JAK1: variants seen among roughly 807,000 people sequenced by gnomAD.
JAK1 encodes the protein tyrosine-protein kinase JAK1.
JAK1 carries 16 observed loss-of-function variants against 136.6 expected under a neutral mutation model. The observed-to-expected ratio is 0.12, with a 90% confidence interval of 0.08 to 0.18. The LOEUF is 0.18. JAK1 is among the 10% of genes least tolerant of loss of function. JAK1 has a pLI of 1.00. For missense variants in JAK1, 859 were observed against 1,450.1 expected, an observed-to-expected ratio of 0.59 and a Z score of 6.62; for synonymous variants, 492 against 519.5, an observed-to-expected ratio of 0.95 and a Z score of 0.72.
chr1:64,845,766 G>T, intron 14 of JAK1, 126 bp from the exon 15 acceptor site: 1 of 1,129,098 alleles, frequency 8.9e-7, no homozygotes, highest in Non-Finnish European at 1.3e-6. Flanking sequence ...TCCTTGGGGG[G>T]TGCAATGGTG....
intron 1 of JAK1, among the ~76,000 whole-genome samples, chr1:64,916,664 C>G (rs1382806446): frequency 1.3e-5 from 2 of 151,740 alleles, no homozygotes; most frequent in African/African-American, 2.4e-5. Context: ...ATAGTGAAAC[C>G]CTGTCTCTGC....
intron 1 of JAK1, among the ~76,000 whole-genome samples, chr1:64,897,502 A>G (rs1169157505): frequency 0.051 from 6 of 118 alleles, no homozygotes; most frequent in Non-Finnish European, 0.064. Context: ...GGGGAGGAGG[A>G]GGGGGGAGGG....
intron 2 of JAK1, among the ~76,000 whole-genome samples, chr1:64,997,819 G>A (rs1430572743): frequency 6.6e-6 from 1 of 152,178 alleles, no homozygotes; most frequent in Non-Finnish European, 1.5e-5. Context: ...GATAGAGAAG[G>A]AATGTTCTTC....
intron 2 of JAK1, among the ~76,000 whole-genome samples, chr1:64,988,830 A>C (rs976670461): frequency 2.1e-4 from 32 of 152,036 alleles, no homozygotes; most frequent in Admixed American, 1.4e-3. Context: ...TCAAGGCTGC[A>C]GTGAACTATG....
intron 2 of JAK1, among the ~76,000 whole-genome samples, chr1:65,038,969 T>TGTGTTTGTG (rs1647103579): frequency 6.6e-6 from 1 of 152,058 alleles, no homozygotes; most frequent in Non-Finnish European, 1.5e-5. Flanking sequence ...TGTGTTTGTG[T>TGTGTTTGTG]GTGTTTGTGT....
chr1:65,019,903 G>C (rs1396888979), intron 2 of JAK1, among the ~76,000 whole-genome samples: 1 of 143,912 alleles, frequency 6.9e-6, no homozygotes, highest in Non-Finnish European at 1.5e-5. Flanking sequence ...GTGACAGAGC[G>C]AGACTCTGTC....
chr1:65,043,104 T>G (rs897691197), intron 2 of JAK1, among the ~76,000 whole-genome samples: 1 of 152,200 alleles, frequency 6.6e-6, no homozygotes, highest in Non-Finnish European at 1.5e-5. Context: ...TGTTTTTCAC[T>G]CAAAACAGTG....
exon 1 of JAK1, chr1:65,067,625 G>C (rs1450848344): frequency 6.7e-6 from 1 of 148,994 alleles, no homozygotes; most frequent in African/African-American, 2.4e-5. Context: ...GGGGTCCCGG[G>C]CTCCCCTTCC....
rs749262580 is a variant in JAK1, at chr1:64,879,176, A to T, written c.206-28T>A. ...GAGGAAAAGTAAAAAAACACATCAG[A>T]AAATCAAGGCGGATACATTTGGCCA... On this transcript the variant is annotated intron_variant, in intron 3 of 24. Coordinates refer to ENST00000342505, the MANE Select transcript of JAK1 (RefSeq NM_002227.4). The T allele has an allele frequency of 4.3e-6, 7 of 1,612,868 alleles. No homozygotes were observed. The Admixed American group carries it at 1.0e-4, about 23-fold the overall frequency.
chr1:64,884,369 C>T (rs11591096), intron 2 of JAK1, among the ~76,000 whole-genome samples: 7,555 of 152,174 alleles, frequency 0.05, 312 homozygotes, highest in Admixed American at 0.14. Flanking sequence ...ATTCGCTGAC[C>T]CCACACTCCT....
chr1:64,934,139 T>TA (rs67874762), intron 1 of JAK1, among the ~76,000 whole-genome samples: 106,325 of 151,860 alleles, frequency 0.7, 40,544 homozygotes, highest in Middle Eastern at 0.92. Context: ...TGGAGAGATG[T>TA]AAAGGACCAA....
intron 1 of JAK1, among the ~76,000 whole-genome samples, chr1:64,941,164 T>C (rs1301986355): frequency 6.6e-6 from 1 of 152,064 alleles, no homozygotes; most frequent in Admixed American, 6.6e-5. Context: ...AACTCAAAAA[T>C]AATAATAATA....
chr1:64,902,857 T>C (rs907967180), intron 1 of JAK1, among the ~76,000 whole-genome samples: 5 of 152,238 alleles, frequency 3.3e-5, no homozygotes, highest in African/African-American at 9.6e-5. Context: ...GTGACTACAA[T>C]TGCCAGCTTC....
intron 12 of JAK1, among the ~76,000 whole-genome samples, chr1:64,849,029 T>A (rs1161262750): frequency 6.6e-6 from 1 of 152,174 alleles, no homozygotes; most frequent in African/African-American, 2.4e-5. Context: ...GTAAAAGCCA[T>A]ATGCTTTCAG....
intron 11 of JAK1, among the ~76,000 whole-genome samples, chr1:64,854,247 G>A (rs1328039888): frequency 6.6e-6 from 1 of 152,184 alleles, no homozygotes; most frequent in Non-Finnish European, 1.5e-5. Flanking sequence ...TCCTGGTGGT[G>A]TGAGGGTTTA....
chr1:64,988,240 C>T (rs1646618765), intron 2 of JAK1, among the ~76,000 whole-genome samples: 1 of 152,168 alleles, frequency 6.6e-6, no homozygotes, highest in South Asian at 2.1e-4. Flanking sequence ...CTGCACACTA[C>T]TGATTTTACA....
chr1:64,882,923 T>A (rs1346726151), intron 3 of JAK1, among the ~76,000 whole-genome samples: 2 of 152,220 alleles, frequency 1.3e-5, no homozygotes, highest in East Asian at 3.8e-4. Flanking sequence ...CCAGGTGTTT[T>A]ACGTAGCACC....
intron 2 of JAK1, among the ~76,000 whole-genome samples, chr1:64,989,010 A>G (rs879346470): frequency 0.055 from 6,839 of 123,712 alleles, 347 homozygotes; most frequent in East Asian, 0.27. Context: ...GTGTATATAT[A>G]TATATATATA....
intron 1 of JAK1, among the ~76,000 whole-genome samples, chr1:65,056,540 C>G (rs1647547691): frequency 6.6e-6 from 1 of 152,192 alleles, no homozygotes; most frequent in South Asian, 2.1e-4. Context: ...CCCATTGTGT[C>G]CCAGTGGAGG....
Sources: allele counts gnomAD v4.1 joint callset (sites outside exome capture counted in the v4.1 genomes callset), GRCh38; gene constraint gnomAD v4.1.1; transcripts MANE v1.5; gene names NCBI Gene and HGNC (gene_info 2026-07-23, HGNC 2026-07-21).